Variants in PPP1R16B observed in about 807,000 individuals in gnomAD.
PPP1R16B encodes the protein protein phosphatase 1 regulatory inhibitor subunit 16B.
PPP1R16B carries 14 observed loss-of-function variants against 61.7 expected under a neutral mutation model. That is an observed-to-expected ratio of 0.23 (90% CI 0.15 to 0.35). PPP1R16B has a LOEUF of 0.35. Among genes scored for constraint, PPP1R16B ranks in the 10% least tolerant of loss-of-function variants. The pLI is 1.00. For missense variants in PPP1R16B, 547 were observed against 752.5 expected (o/e 0.73, Z 3.19); for synonymous variants, 266 against 305.3 (o/e 0.87, Z 1.34).
Position 38,919,757 on chromosome 20 carries a change from C to T in PPP1R16B, c.*1091C>T, listed in dbSNP as rs2085576665. 1 of 152,244 alleles carries T rather than the reference C, an allele frequency of 6.6e-6. No individual in the cohort carries two copies. The highest frequency in any genetic ancestry group is 6.5e-5 in the Admixed American group (1 of 15,280). The allele number at this position is 152,244 out of a possible 1,614,324, so 9.4% of individuals were successfully genotyped here. ...AGCACCCTGGGGTCTTTGTGAATAT[C>T]CAGACTGTTTCAGCCCAGCCCATCT... On this transcript the variant is annotated 3_prime_UTR_variant, in exon 11 of 11. Coordinates refer to ENST00000299824, the MANE Select transcript of PPP1R16B (RefSeq NM_015568.4).
At chr20:38,826,135 TTCGG>T (rs1163463670) in intron 1 of PPP1R16B, among the ~76,000 whole-genome samples, 1 of 152,156 alleles carries the variant, frequency 6.6e-6, no homozygotes, top group Admixed American at 6.5e-5. Context: ...CAGGAGTGTG[TTCGG>T]TAGCCACAGG....
intron 2 of PPP1R16B, among the ~76,000 whole-genome samples, chr20:38,870,867 G>A (rs2085124196): frequency 1.3e-5 from 2 of 151,702 alleles, no homozygotes; most frequent in Admixed American, 6.6e-5. Flanking sequence ...GGGTTGGGGC[G>A]TGGTTAGTGG....
intron 2 of PPP1R16B, among the ~76,000 whole-genome samples, chr20:38,888,078 A>C (rs987926552): frequency 6.6e-6 from 1 of 152,126 alleles, no homozygotes; most frequent in Non-Finnish European, 1.5e-5. Flanking sequence ...TGCCCAGCTC[A>C]CTTCTAATTT....
intron 1 of PPP1R16B, among the ~76,000 whole-genome samples, chr20:38,834,106 C>T (rs1601243759): frequency 6.6e-6 from 1 of 152,224 alleles, no homozygotes; most frequent in East Asian, 1.9e-4. Flanking sequence ...ATCTCCCTAC[C>T]ATTCCTCCTC....
intron 2 of PPP1R16B, among the ~76,000 whole-genome samples, chr20:38,839,580 C>T (rs908364279): frequency 1.3e-5 from 2 of 151,838 alleles, no homozygotes; most frequent in African/African-American, 2.4e-5. Context: ...GTATTTTTTT[C>T]ATTTGCATAT....
At chr20:38,900,787 T>A in intron 5 of PPP1R16B, 103 bp downstream of exon 5, 1 of 807,010 alleles carries the variant, frequency 1.2e-6, no homozygotes, top group Non-Finnish European at 1.8e-6. Flanking sequence ...TCGGCCTGCC[T>A]CGTGCGCTGT....
chr20:38,876,135 G>C (rs1051009472), intron 2 of PPP1R16B, among the ~76,000 whole-genome samples: 7 of 152,028 alleles, frequency 4.6e-5, no homozygotes, highest in African/African-American at 1.7e-4. Flanking sequence ...ACCATGCCCA[G>C]CTAAATTTTT....
At chr20:38,867,561 C>A (rs372849373) in intron 2 of PPP1R16B, among the ~76,000 whole-genome samples, 2 of 152,212 alleles carry the variant, frequency 1.3e-5, no homozygotes, top group Non-Finnish European at 2.9e-5. Flanking sequence ...CTAAATGAAG[C>A]CTTGCTTTAG....
chr20:38,855,929 TATATATATATATATAGAG>T (rs1189851037), intron 2 of PPP1R16B, among the ~76,000 whole-genome samples: 1 of 54,662 alleles, frequency 1.8e-5, no homozygotes, highest in Non-Finnish European at 3.2e-5. Context: ...TATATATATA[TATATATATATATATAGAG>T]AGAGAGAGAG....
intron 1 of PPP1R16B, among the ~76,000 whole-genome samples, chr20:38,821,805 A>G (rs934327600): frequency 6.6e-6 from 1 of 151,912 alleles, no homozygotes; most frequent in African/African-American, 2.4e-5. Flanking sequence ...TGCTTTAACA[A>G]TCTTTATTAT....
At chr20:38,900,008 G>T (rs2085379408) in intron 4 of PPP1R16B, among the ~76,000 whole-genome samples, 1 of 152,032 alleles carries the variant, frequency 6.6e-6, no homozygotes, top group South Asian at 2.1e-4. Context: ...CGGCTAGGCT[G>T]GTCTCGAACT....
intron 2 of PPP1R16B, among the ~76,000 whole-genome samples, chr20:38,888,927 A>ACACC (rs1484852590): frequency 3.1e-5 from 4 of 130,068 alleles, no homozygotes; most frequent in South Asian, 2.5e-4. Flanking sequence ...ACACACACAC[A>ACACC]CCCCTAGACA....
At chr20:38,879,076 G>A (rs910438477) in intron 2 of PPP1R16B, among the ~76,000 whole-genome samples, 1 of 152,200 alleles carries the variant, frequency 6.6e-6, no homozygotes, top group Non-Finnish European at 1.5e-5. Flanking sequence ...GGTCTGCAGT[G>A]AAGCTGTAAG....
Position 38,807,864 on chromosome 20 carries a change from T to C in PPP1R16B, c.-102+2072T>C, listed in dbSNP as rs925223983. Among the ~76,000 whole-genome samples the C allele has an allele frequency of 5.9e-5, 9 of 152,160 alleles. No individual in the cohort carries two copies. In the East Asian group the frequency reaches 1.5e-3, roughly 26 times the overall value. On this transcript the variant is annotated intron_variant, in intron 1 of 10. Transcript: ENST00000299824. ...TACCACCGTGACACTCATTAGTGGC[T>C]CTGTGGTTCATGTGTCAAGGGCCCC... is the stretch of plus-strand genomic sequence containing the variant.
At chr20:38,830,389 C>T (rs2084829607) in intron 1 of PPP1R16B, among the ~76,000 whole-genome samples, 1 of 152,242 alleles carries the variant, frequency 6.6e-6, no homozygotes, top group South Asian at 2.1e-4. Context: ...TCCCAAATAT[C>T]AGTCACTTAT....
chr20:38,902,577 A>G lies in PPP1R16B; in HGVS notation c.572-91A>G, dbSNP rs894936356. 4.5e-6 allele frequency: 7 copies of G among 1,544,164 alleles called. No homozygotes were observed. In the East Asian group the frequency reaches 1.6e-4, roughly 35 times the overall value. ...CCGCTTGACTGGCATATCCTAGGGA[A>G]CAAGAGCCATGCCTCCCTCATCTGC... On this transcript the variant is annotated intron_variant, in intron 5 of 10. Transcript: ENST00000299824.
At chr20:38,814,736 G>A (rs1334977528) in intron 1 of PPP1R16B, among the ~76,000 whole-genome samples, 1 of 152,072 alleles carries the variant, frequency 6.6e-6, no homozygotes, top group African/African-American at 2.4e-5. Context: ...AGTCTCCTCC[G>A]CTTCTTGGCC....
intron 1 of PPP1R16B, among the ~76,000 whole-genome samples, chr20:38,817,808 G>T (rs1465120296): frequency 6.6e-6 from 1 of 152,178 alleles, no homozygotes; most frequent in Non-Finnish European, 1.5e-5. Flanking sequence ...ACTTTGGGAG[G>T]CCGAGGCGGG....
At chr20:38,843,371 C>A (rs1487210554) in intron 2 of PPP1R16B, among the ~76,000 whole-genome samples, 1 of 152,222 alleles carries the variant, frequency 6.6e-6, no homozygotes, top group Non-Finnish European at 1.5e-5. Context: ...CAGGATATCT[C>A]ATAAGGTTGC....
Sources: gnomAD v4.1 joint callset for allele counts (sites outside exome capture counted in the v4.1 genomes callset) on GRCh38, gnomAD v4.1.1 for gene constraint, MANE v1.5 for transcripts, NCBI Gene and HGNC (gene_info 2026-07-23, HGNC 2026-07-21) for gene names.